DENND4C: variants seen among roughly 807,000 people sequenced by gnomAD.
DENND4C encodes the protein DENN domain containing 4C.
DENND4C carries 108 observed loss-of-function variants against 203.0 expected under a neutral mutation model. The observed-to-expected ratio is 0.53, with a 90% CI of 0.46 to 0.62. The LOEUF (loss-of-function observed/expected upper bound fraction) is 0.62, where lower values mean the gene tolerates loss of function less well. Among genes scored for constraint, DENND4C ranks in the 20% least tolerant of loss-of-function variants. The pLI is 0.00. For missense variants in DENND4C, 2,481 were observed against 2,301.2 expected, an observed-to-expected ratio of 1.08 and a Z score of -1.60; for synonymous variants, 871 against 792.4, an observed-to-expected ratio of 1.10 and a Z score of -1.67.
chr9:19,319,403 T>TAC lies in DENND4C; in HGVS notation c.1807+2570_1807+2571dup, dbSNP rs1427103068. Among the ~76,000 whole-genome samples, 17 of 142,254 alleles carry TAC rather than the reference T, an allele frequency of 1.2e-4. 1 individual carries two copies. The highest frequency in any genetic ancestry group is 4.0e-4 in the East Asian group (2 of 5,042). The allele number at this position is 142,254 out of a possible 152,430, so 93.3% of individuals were successfully genotyped here. The stretch of plus-strand genomic sequence containing the variant: ...ATACATATATATATACATATATATA[T>TAC]ACACACATATATATATACATATATA... On this transcript the variant is annotated intron_variant, in intron 12 of 32. Coordinates refer to ENST00000434457, the MANE Select transcript of DENND4C (RefSeq NM_001330640.2).
At chr9:19,254,377 TAC>T (rs972621992) in intron 1 of DENND4C, among the ~76,000 whole-genome samples, 1 of 152,230 alleles carries the variant, frequency 6.6e-6, no homozygotes, top group Admixed American at 6.5e-5. Context: ...AATTGTGGCA[TAC>T]ACACACACAG....
intron 10 of DENND4C, among the ~76,000 whole-genome samples, chr9:19,314,613 C>CA (rs1192140272): frequency 2.6e-5 from 4 of 151,160 alleles, no homozygotes. Context: ...TGTAAGTATG[C>CA]AAAAAAAGAT....
intron 1 of DENND4C, among the ~76,000 whole-genome samples, chr9:19,275,671 G>T (rs373180873): frequency 6.6e-6 from 1 of 151,586 alleles, no homozygotes; most frequent in Admixed American, 6.6e-5. Context: ...GGGTTTTGCC[G>T]TGGTGGCTAG....
At chr9:19,359,862 T>TGCCC (rs1381479787) in intron 28 of DENND4C, among the ~76,000 whole-genome samples, 3 of 152,254 alleles carry the variant, frequency 2.0e-5, no homozygotes, top group African/African-American at 7.2e-5. Context: ...TGCAAAAGAT[T>TGCCC]GCCCCATCAG....
At chr9:19,345,896 G>T in intron 22 of DENND4C, 25 bp from the exon 23 acceptor site, 1 of 1,538,808 alleles carries the variant, frequency 6.5e-7, no homozygotes. Flanking sequence ...TAGGTTCATT[G>T]TTAATATTTT....
chr9:19,336,554 A>T (rs1190443602), intron 19 of DENND4C, 132 bp from the exon 20 acceptor site: 4 of 1,430,980 alleles, frequency 2.8e-6, no homozygotes, highest in Non-Finnish European at 2.8e-6. Flanking sequence ...GTCTTAGTCC[A>T]AAATTATTTT....
intron 16 of DENND4C, among the ~76,000 whole-genome samples, chr9:19,329,015 C>G (rs1818496099): frequency 6.6e-6 from 1 of 152,122 alleles, no homozygotes; most frequent in Non-Finnish European, 1.5e-5. Context: ...AGCCATTGCA[C>G]TCCAGCCTGG....
At chr9:19,304,947 A>AT (rs138375242) in intron 9 of DENND4C, among the ~76,000 whole-genome samples, 4,034 of 146,370 alleles carry the variant, frequency 0.028, 176 homozygotes, top group African/African-American at 0.094. Context: ...TTTTAGTTGG[A>AT]TTTTGATCTG....
At chr9:19,288,841 A>G (rs1317795276) in intron 4 of DENND4C, among the ~76,000 whole-genome samples, 176 bp downstream of exon 4, 1 of 152,222 alleles carries the variant, frequency 6.6e-6, no homozygotes, top group Non-Finnish European at 1.5e-5. Flanking sequence ...TATACAAGAT[A>G]TATTAATACC....
intron 30 of DENND4C, among the ~76,000 whole-genome samples, chr9:19,368,622 G>A (rs957233481): frequency 7.9e-5 from 12 of 151,926 alleles, no homozygotes; most frequent in Non-Finnish European, 1.8e-4. Flanking sequence ...CATAGTGGGA[G>A]CCCATCTCTA....
At chr9:19,324,191 C>T (rs919929463) in intron 12 of DENND4C, among the ~76,000 whole-genome samples, 171 bp from the exon 13 acceptor site, 1 of 151,520 alleles carries the variant, frequency 6.6e-6, no homozygotes, top group African/African-American at 2.4e-5. Context: ...CACTTTTGGT[C>T]CCAAGCATTT....
At position 19,296,265 on chromosome 9, in the gene DENND4C, A is replaced by C; in HGVS notation, c.1040+19A>C. ...TTGAAAAGTATGTATAATGATTAGAAAGATGGCTGGTGGAAAACTGGGTAT... is the reference window on the plus strand; with the variant it reads ...TTGAAAAGTATGTATAATGATTAGACAGATGGCTGGTGGAAAACTGGGTAT... On this transcript the variant is annotated intron_variant, in intron 6 of 32. Coordinates refer to ENST00000434457, the MANE Select transcript of DENND4C (RefSeq NM_001330640.2). 1 of 1,514,586 alleles carries C rather than the reference A, an allele frequency of 6.6e-7. No homozygotes were observed. The highest frequency in any genetic ancestry group is 9.1e-7 in the Non-Finnish European group (1 of 1,102,472). 93.8% of individuals were successfully genotyped at this position (1,514,586 alleles called of 1,614,324 possible).
intron 1 of DENND4C, among the ~76,000 whole-genome samples, chr9:19,261,746 C>T (rs1224188430): frequency 6.6e-6 from 1 of 151,942 alleles, no homozygotes; most frequent in African/African-American, 2.4e-5. Context: ...CTCAAGCAGT[C>T]TTCCCACCTT....
chr9:19,370,116 A>G (rs761331093), intron 31 of DENND4C, 129 bp downstream of exon 31: 1 of 1,092,698 alleles, frequency 9.2e-7, no homozygotes, highest in Non-Finnish European at 1.4e-6. Flanking sequence ...TATTGTTTTA[A>G]GTGCTACACA....
intron 1 of DENND4C, among the ~76,000 whole-genome samples, chr9:19,250,781 T>C (rs1826368952): frequency 6.6e-6 from 1 of 152,196 alleles, no homozygotes; most frequent in African/African-American, 2.4e-5. Context: ...AGCTCCACAA[T>C]GATCTCCTTT....
At chr9:19,350,632 G>T in intron 23 of DENND4C, 70 bp from the exon 24 acceptor site, 8 of 1,320,430 alleles carry the variant, frequency 6.1e-6, no homozygotes, top group Non-Finnish European at 8.3e-6. Context: ...TTTGAAAAGG[G>T]TAGAGTGGGT....
chr9:19,242,252 T>C (rs957843553), intron 1 of DENND4C, among the ~76,000 whole-genome samples: 2 of 152,250 alleles, frequency 1.3e-5, no homozygotes, highest in Non-Finnish European at 2.9e-5. Context: ...TGTGGTTTGC[T>C]AGCTCATTTA....
intron 1 of DENND4C, among the ~76,000 whole-genome samples, chr9:19,231,406 T>G (rs1820517329): frequency 6.6e-6 from 1 of 152,042 alleles, no homozygotes; most frequent in Admixed American, 6.6e-5. Context: ...TCAGGGCTTC[T>G]TTGTCGGGGA....
Position 19,298,073 on chromosome 9 carries a change from T to C in DENND4C, c.1058T>C (p.Met353Thr), listed in dbSNP as rs1378147603. ...TTTTCTAGGCACATTTCACATTTTA[T>C]GCAAAACATCCCTTTTCCTTCACCA... The part of the protein sequence containing the change: ...LPIEKHISHF[M>T]QNIPFPSPQR... The change falls in exon 7 of 33, where the codon ATG becomes ACG. Residue 353 changes from methionine (M) to threonine (T), a missense_variant. Coordinates refer to ENST00000434457, the MANE Select transcript of DENND4C (RefSeq NM_001330640.2). 22 of 1,610,028 alleles carry C rather than the reference T, an allele frequency of 1.4e-5. No homozygotes were observed. Among genetic ancestry groups the C allele is most frequent in the African/African-American group, 1.3e-5 (1 of 74,902 alleles).
Sources: gnomAD v4.1 joint callset for allele counts (sites outside exome capture counted in the v4.1 genomes callset) on GRCh38, gnomAD v4.1.1 for gene constraint, MANE v1.5 for transcripts, NCBI Gene and HGNC (gene_info 2026-07-23, HGNC 2026-07-21) for gene names.